Variants in PRIM2 observed in about 807,000 individuals in gnomAD.
The protein encoded by PRIM2 is DNA primase large subunit.
A neutral mutation model predicts 67.3 loss-of-function variants in PRIM2; 39 were observed. That is an observed-to-expected ratio of 0.58 (90% CI 0.45 to 0.76). The LOEUF (loss-of-function observed/expected upper bound fraction) is 0.76. Ranked by LOEUF, PRIM2 falls within the 30% of genes least tolerant of loss-of-function variation. PRIM2 has a pLI of 0.00. For synonymous variants in PRIM2, 143 were observed against 198.7 expected, an observed-to-expected ratio of 0.72 and a Z score of 2.36; for missense variants, 398 against 598.7, an observed-to-expected ratio of 0.66 and a Z score of 3.50.
chr6:57,387,250 T>C (rs1339610469), intron 7 of PRIM2, among the ~76,000 whole-genome samples: 1 of 152,194 alleles, frequency 6.6e-6, no homozygotes, highest in Non-Finnish European at 1.5e-5. Context: ...TTATCTGGTA[T>C]AGCATGTGGC....
At chr6:57,321,363 T>C (rs1052398841) in intron 3 of PRIM2, among the ~76,000 whole-genome samples, 11 of 152,248 alleles carry the variant, frequency 7.2e-5, no homozygotes, top group African/African-American at 9.6e-5. Flanking sequence ...TGTGGAGATG[T>C]CTAGTGGACA....
intron 5 of PRIM2, among the ~76,000 whole-genome samples, chr6:57,348,428 G>A (rs1444467467): frequency 1.3e-5 from 2 of 152,080 alleles, no homozygotes; most frequent in East Asian, 3.9e-4. Flanking sequence ...TATTTTAATA[G>A]GCCAGGAAAA....
At chr6:57,253,574 G>A in the PRIM2 span, among the ~76,000 whole-genome samples, 22 of 152,116 alleles carry the variant, frequency 1.4e-4, 1 homozygote, top group Admixed American at 9.8e-4. Context: ...CATGGAGCTC[G>A]TTCTCTTGGT....
chr6:57,351,473 G>A (rs1221470325), intron 5 of PRIM2, among the ~76,000 whole-genome samples: 1 of 152,130 alleles, frequency 6.6e-6, no homozygotes, highest in Non-Finnish European at 1.5e-5. Context: ...GACTGAATGA[G>A]GATGTGAACT....
chr6:57,484,476 A>G (rs1243075156), intron 7 of PRIM2, among the ~76,000 whole-genome samples: 2 of 152,146 alleles, frequency 1.3e-5, no homozygotes, highest in African/African-American at 4.8e-5. Flanking sequence ...TTCTTGTCAC[A>G]CTCAGAGTTT....
chr6:57,237,070 G>A, the PRIM2 span, among the ~76,000 whole-genome samples: 1 of 151,928 alleles, frequency 6.6e-6, no homozygotes, highest in Non-Finnish European at 1.5e-5. Context: ...ATCCTCTCCA[G>A]CACCTGTTGT....
the PRIM2 span, among the ~76,000 whole-genome samples, chr6:57,248,113 T>C: frequency 6.6e-6 from 1 of 152,194 alleles, no homozygotes; most frequent in African/African-American, 2.4e-5. Context: ...CGTAACCAAA[T>C]GTATCCAAGT....
At chr6:57,638,576 C>A (rs1188866628) in intron 13 of PRIM2, among the ~76,000 whole-genome samples, 870 of 31,596 alleles carry the variant, frequency 0.028, 2 homozygotes, top group South Asian at 0.071. Context: ...AAACAGAAAG[C>A]AAAAAAAAAA....
the PRIM2 span, among the ~76,000 whole-genome samples, chr6:57,232,048 T>C: frequency 2.6e-5 from 4 of 152,216 alleles, no homozygotes; most frequent in Admixed American, 6.5e-5. Flanking sequence ...ATTCTTCTAT[T>C]AAAGAAGATA....
chr6:57,616,033 T>G (rs1465448898), intron 12 of PRIM2, among the ~76,000 whole-genome samples: 3,893 of 152,130 alleles, frequency 0.026, 70 homozygotes, highest in Non-Finnish European at 0.041. Context: ...ATCTAAAAGT[T>G]GTAGTTCATT....
chr6:57,327,840 C>T (rs1767918195), intron 5 of PRIM2, among the ~76,000 whole-genome samples: 1 of 152,136 alleles, frequency 6.6e-6, no homozygotes, highest in East Asian at 1.9e-4. Flanking sequence ...GGACTGGTTT[C>T]ATGGAAGACA....
intron 11 of PRIM2, among the ~76,000 whole-genome samples, chr6:57,603,828 C>G (rs1434834814): frequency 6.6e-6 from 1 of 151,612 alleles, no homozygotes; most frequent in Non-Finnish European, 1.5e-5. Context: ...GGAATGTTTT[C>G]CTGTTTGTGT....
intron 7 of PRIM2, among the ~76,000 whole-genome samples, chr6:57,506,422 GA>G (rs1774252525): frequency 6.6e-6 from 1 of 151,828 alleles, no homozygotes; most frequent in Non-Finnish European, 1.5e-5. Context: ...ATTAATGTTT[GA>G]AAAAAATTAA....
the PRIM2 span, among the ~76,000 whole-genome samples, chr6:57,283,373 C>T: frequency 0.049 from 7,423 of 152,186 alleles, 226 homozygotes; most frequent in Non-Finnish European, 0.072. Flanking sequence ...TCTTGACTTC[C>T]CTAGTCTCAA....
the PRIM2 span, among the ~76,000 whole-genome samples, chr6:57,237,032 G>C: frequency 0.96 from 145,383 of 151,946 alleles, 69,588 homozygotes; most frequent in South Asian, 0.99. Flanking sequence ...GTCCCACCAA[G>C]AGTGTAAAAG....
chr6:57,564,208 A>G (rs1302680767), intron 10 of PRIM2, among the ~76,000 whole-genome samples: 5 of 152,234 alleles, frequency 3.3e-5, no homozygotes, highest in Non-Finnish European at 5.9e-5. Flanking sequence ...GCTCATGGGT[A>G]TACCTGAAGG....
chr6:57,228,633 G>A, the PRIM2 span, among the ~76,000 whole-genome samples: 1 of 152,138 alleles, frequency 6.6e-6, no homozygotes, highest in East Asian at 1.9e-4. Flanking sequence ...AGGTAGACAG[G>A]AGCTGGCATA....
At chr6:57,583,342 C>T (rs1404378113) in intron 10 of PRIM2, among the ~76,000 whole-genome samples, 1 of 107,936 alleles carries the variant, frequency 9.3e-6, no homozygotes, top group Non-Finnish European at 1.8e-5. Context: ...CCCCACCCCA[C>T]AACAGTCCCC....
chr6:57,315,062 G>C (rs78623809), upstream of PRIM2: 1 of 152,284 alleles, frequency 6.6e-6, no homozygotes, highest in Non-Finnish European at 1.5e-5. Flanking sequence ...TAAGATATTG[G>C]TATGTTAAGC....
Sources: allele counts gnomAD v4.1 joint callset (sites outside exome capture counted in the v4.1 genomes callset), GRCh38; gene constraint gnomAD v4.1.1; transcripts MANE v1.5; gene names NCBI Gene and HGNC (gene_info 2026-07-23, HGNC 2026-07-21).